ADGRB1: variants seen among roughly 807,000 people sequenced by gnomAD.
ADGRB1 encodes adhesion G protein-coupled receptor B1, also known as brain-specific angiogenesis inhibitor 1.
A neutral mutation model predicts 175.7 loss-of-function variants in ADGRB1; 36 were observed. The ratio of observed to expected loss-of-function variants is 0.20; its 90% confidence interval spans 0.16 to 0.27. The LOEUF (loss-of-function observed/expected upper bound fraction) is 0.27. Ranked by LOEUF, ADGRB1 falls within the 10% of genes least tolerant of loss-of-function variation. ADGRB1 has a pLI of 1.00. For synonymous variants in ADGRB1, 1,054 were observed against 979.4 expected (o/e 1.08, Z -1.42); for missense variants, 1,731 against 2,255.3 (o/e 0.77, Z 4.71).
chr8:142,535,126 C>A (rs1844850228), intron 25 of ADGRB1, among the ~76,000 whole-genome samples: 1 of 152,212 alleles, frequency 6.6e-6, no homozygotes. Context: ...GGCAAAATAT[C>A]TCACAAAATA....
At chr8:142,481,813 G>T (rs1587306414) in intron 11 of ADGRB1, 102 bp downstream of exon 11, 16 of 1,061,972 alleles carry the variant, frequency 1.5e-5, no homozygotes, top group Non-Finnish European at 2.1e-5. Context: ...CACAGCCCAG[G>T]CCCTAACCCA....
chr8:142,466,027 C>T (rs985809579), intron 2 of ADGRB1, among the ~76,000 whole-genome samples: 1 of 152,194 alleles, frequency 6.6e-6, no homozygotes, highest in African/African-American at 2.4e-5. Flanking sequence ...CCCGTACACA[C>T]CTAGGGCATG....
intron 2 of ADGRB1, among the ~76,000 whole-genome samples, chr8:142,470,561 T>C (rs1840607402): frequency 1.3e-5 from 2 of 151,842 alleles, no homozygotes; most frequent in Admixed American, 1.3e-4. Flanking sequence ...GTGTCCCTGC[T>C]TCCCTGTGTG....
intron 24 of ADGRB1, among the ~76,000 whole-genome samples, chr8:142,528,419 C>T (rs929109097): frequency 2.0e-5 from 3 of 152,204 alleles, no homozygotes; most frequent in African/African-American, 7.2e-5. Flanking sequence ...GCCCCCAGGA[C>T]CGTCCCTGTT....
intron 17 of ADGRB1, among the ~76,000 whole-genome samples, chr8:142,498,910 T>G (rs1217491836): frequency 1.3e-5 from 2 of 152,218 alleles, no homozygotes; most frequent in Admixed American, 1.3e-4. Flanking sequence ...CCCGCTAGTC[T>G]GCCTGCCAGA....
intron 23 of ADGRB1, among the ~76,000 whole-genome samples, chr8:142,525,694 G>A (rs1200788290): frequency 6.6e-6 from 1 of 152,174 alleles, no homozygotes; most frequent in Non-Finnish European, 1.5e-5. Flanking sequence ...TACCACCCTG[G>A]TCTTCTGGAC....
At chr8:142,534,818 CCACAT>C (rs1844833818) in intron 25 of ADGRB1, among the ~76,000 whole-genome samples, 1 of 152,208 alleles carries the variant, frequency 6.6e-6, no homozygotes, top group Non-Finnish European at 1.5e-5. Context: ...CTGGTGCACG[CCACAT>C]GGGCCAGGCC....
rs753221031 is a variant in ADGRB1 at position 142,524,257 on chromosome 8, G to C, written c.3265G>C (p.Gly1089Arg). ...TMNYCWLSLE[G>R]GLLYAFVGPA... is the part of the protein sequence containing the mutation. ...CCCCAGCTGCTGGCTCTCCCTGGAGGGGGGACTGCTCTATGCCTTCGTGGG... is the reference window on the plus strand; with the variant it reads ...CCCCAGCTGCTGGCTCTCCCTGGAGCGGGGACTGCTCTATGCCTTCGTGGG... Residue 1089 changes from glycine (G) to arginine (R), a missense_variant, in exon 23 of 31, where the codon GGG becomes CGG. Physicochemically the swap from Gly to Arg is moderately radical, Grantham distance 125 (BLOSUM62 -2). Coordinates refer to ENST00000517894, the MANE Select transcript of ADGRB1 (RefSeq NM_001702.3). 3.7e-6 allele frequency: 6 copies of C among 1,600,518 alleles called. No individual in the cohort carries two copies. The highest frequency in any genetic ancestry group is 1.7e-5 in the Admixed American group (1 of 59,762).
intron 17 of ADGRB1, among the ~76,000 whole-genome samples, chr8:142,498,962 CCT>C (rs778643865): frequency 1.3e-3 from 191 of 152,290 alleles, no homozygotes; most frequent in Non-Finnish European, 2.0e-3. Flanking sequence ...CCTCTCTCTC[CCT>C]CTCTTGGGAG....
intron 1 of ADGRB1, among the ~76,000 whole-genome samples, chr8:142,458,438 C>T (rs1016924738): frequency 2.6e-5 from 4 of 152,134 alleles, no homozygotes; most frequent in Admixed American, 2.6e-4. Context: ...CCACCTCATG[C>T]AGAAGCTGTG....
intron 13 of ADGRB1, among the ~76,000 whole-genome samples, chr8:142,486,005 C>T (rs1216587205): frequency 6.6e-6 from 1 of 152,156 alleles, no homozygotes. Context: ...GGGGGCCACC[C>T]TCGCCCTCCC....
intron 2 of ADGRB1, among the ~76,000 whole-genome samples, chr8:142,473,111 C>A (rs113909451): frequency 1.4e-4 from 22 of 152,304 alleles, no homozygotes; most frequent in African/African-American, 4.8e-4. Context: ...ACCTGGGTCT[C>A]TCCTGAAAGG....
intron 1 of ADGRB1, among the ~76,000 whole-genome samples, chr8:142,451,701 A>G (rs1450383662): frequency 1.3e-5 from 2 of 152,110 alleles, no homozygotes; most frequent in African/African-American, 4.8e-5. Context: ...GGGGAACAGC[A>G]GAGGCCGCGC....
At position 142,468,039 on chromosome 8, in the gene ADGRB1, G is replaced by A. The variant is rs539191302; in HGVS notation, c.784+3057G>A. Among the ~76,000 whole-genome samples, 280 of 152,370 alleles carry A rather than the reference G, an allele frequency of 1.8e-3. 4 individuals carry two copies. The highest frequency in any genetic ancestry group is 6.5e-3 in the African/African-American group (270 of 41,588). On this transcript the variant is annotated intron_variant, in intron 2 of 30. Transcript: ENST00000517894. ...TGTTTGGAGGTGGTGCTCAGAAAGA[G>A]GTGGGAGGATGTGTGTTCACGCATG...
intron 13 of ADGRB1, 53 bp from the exon 14 acceptor site, chr8:142,488,311 C>T: frequency 1.2e-6 from 2 of 1,605,346 alleles, no homozygotes; most frequent in Non-Finnish European, 1.7e-6. Context: ...GGCCCCGCCA[C>T]ATCTGTGACT....
chr8:142,457,371 A>G (rs1300894445), intron 1 of ADGRB1, among the ~76,000 whole-genome samples: 1 of 152,196 alleles, frequency 6.6e-6, no homozygotes, highest in African/African-American at 2.4e-5. Context: ...GGCACAGGAC[A>G]GGGCCCCTTC....
At chr8:142,503,913 AGAAGCCCTG>A (rs1842740915) in intron 17 of ADGRB1, among the ~76,000 whole-genome samples, 1 of 152,110 alleles carries the variant, frequency 6.6e-6, no homozygotes, top group African/African-American at 2.4e-5. Flanking sequence ...GAGGAACATG[AGAAGCCCTG>A]GAGGCCCTGG....
chr8:142,498,436 C>T (rs1225148906), intron 17 of ADGRB1, among the ~76,000 whole-genome samples: 3 of 152,134 alleles, frequency 2.0e-5, no homozygotes, highest in Non-Finnish European at 4.4e-5. Flanking sequence ...CTGTGAGTTG[C>T]CCCGGGTGCC....
At chr8:142,505,346 T>C (rs1842802077) in intron 17 of ADGRB1, among the ~76,000 whole-genome samples, 1 of 152,172 alleles carries the variant, frequency 6.6e-6, no homozygotes, top group Admixed American at 6.5e-5. Flanking sequence ...TCCCAAGGCC[T>C]CCTACCTGCC....
Sources: allele counts gnomAD v4.1 joint callset (sites outside exome capture counted in the v4.1 genomes callset), GRCh38; gene constraint gnomAD v4.1.1; transcripts MANE v1.5; gene names NCBI Gene and HGNC (gene_info 2026-07-23, HGNC 2026-07-21).